The following PANK1 variants were observed in gnomAD, a reference collection of about 807,000 sequenced individuals.
PANK1 encodes pantothenate kinase 1, also known as pantothenic acid kinase 1.
A neutral mutation model predicts 40.1 loss-of-function variants in PANK1; 18 were observed. The ratio of observed to expected loss-of-function variants is 0.45; its 90% CI spans 0.31 to 0.67. The LOEUF is 0.67. PANK1 is among the 30% of genes least tolerant of loss of function. The pLI is 0.06. For synonymous variants in PANK1, 242 were observed against 237.7 expected (o/e 1.02, Z -0.17); for missense variants, 457 against 599.6 (o/e 0.76, Z 2.48).
intron 3 of PANK1, among the ~76,000 whole-genome samples, chr10:89,598,064 G>A (rs1368168283): frequency 6.6e-6 from 1 of 152,128 alleles, no homozygotes; most frequent in African/African-American, 2.4e-5. Context: ...TGATATTTGA[G>A]GCTCAATAAT....
At chr10:89,606,188 T>A (rs1429900126) in intron 2 of PANK1, among the ~76,000 whole-genome samples, 1 of 152,232 alleles carries the variant, frequency 6.6e-6, no homozygotes, top group African/African-American at 2.4e-5. Flanking sequence ...GAATGGTCCA[T>A]GAGCGTCGGC....
intron 1 of PANK1, among the ~76,000 whole-genome samples, chr10:89,642,931 C>T (rs1414088491): frequency 6.6e-6 from 1 of 152,166 alleles, no homozygotes; most frequent in African/African-American, 2.4e-5. Context: ...ACATAAACCA[C>T]TTTAATTTCT....
At chr10:89,624,083 G>A (rs1000228905) in intron 1 of PANK1, among the ~76,000 whole-genome samples, 6 of 152,116 alleles carry the variant, frequency 3.9e-5, no homozygotes, top group African/African-American at 1.2e-4. Flanking sequence ...GCCCAGACAC[G>A]GGCTGATCAT....
rs1278255904 is a variant in PANK1 at position 89,645,184 on chromosome 10, G to C, written c.-293C>G. Reference sequence around the variant, plus strand: ...CCCCCAGCCGGGGCTCCCGCCGCCCGCCTTCCCCTGATCCCCAGGCCGCGC... The same window carrying C: ...CCCCCAGCCGGGGCTCCCGCCGCCCCCCTTCCCCTGATCCCCAGGCCGCGC... On this transcript the variant is annotated 5_prime_UTR_variant, in exon 1 of 7. Transcript: ENST00000307534. 2 of 1,576,970 alleles carry C rather than the reference G, an allele frequency of 1.3e-6. No individual in the cohort carries two copies. Among genetic ancestry groups the C allele is most frequent in the Admixed American group, 3.6e-5 (2 of 56,102 alleles).
rs546019160 is a variant in PANK1 at position 89,599,698 on chromosome 10, C to T, written c.646-193G>A. 2.6e-4 allele frequency among the ~76,000 whole-genome samples: 40 copies of T among 152,180 alleles called. 1 individual carries two copies. The highest frequency in any genetic ancestry group is 2.2e-3 in the Admixed American group (33 of 15,274). ...AGCCTTGGCTAGATGTCATACCTGC[C>T]CACAGTGCATGCTAAAGGACAAGAG... On this transcript the variant is annotated intron_variant, in intron 2 of 6. Transcript: ENST00000307534.
chr10:89,628,542 G>T (rs551472236), intron 1 of PANK1, among the ~76,000 whole-genome samples: 1 of 152,184 alleles, frequency 6.6e-6, no homozygotes, highest in Non-Finnish European at 1.5e-5. Flanking sequence ...AAAAAGAGGA[G>T]TGACTGCTAA....
chr10:89,644,382 G>A (rs1225683027), intron 1 of PANK1, among the ~76,000 whole-genome samples: 1 of 152,192 alleles, frequency 6.6e-6, no homozygotes, highest in Admixed American at 6.5e-5. Context: ...TCGTTCTACT[G>A]ATAGAAGCGA....
At chr10:89,608,252 C>G (rs1488118181) in intron 2 of PANK1, among the ~76,000 whole-genome samples, 4 of 151,896 alleles carry the variant, frequency 2.6e-5, no homozygotes, top group Admixed American at 2.0e-4. Flanking sequence ...AGGATGGTCT[C>G]GATCTCCTGA....
chr10:89,638,224 C>T (rs1198832562), intron 1 of PANK1, among the ~76,000 whole-genome samples: 1 of 152,226 alleles, frequency 6.6e-6, no homozygotes, highest in Non-Finnish European at 1.5e-5. Context: ...CCATTATAAT[C>T]TTATAGGACT....
At chr10:89,622,791 C>T (rs1372703840) in intron 1 of PANK1, among the ~76,000 whole-genome samples, 4 of 150,608 alleles carry the variant, frequency 2.7e-5, no homozygotes, top group African/African-American at 7.3e-5. Flanking sequence ...GAGCTGAGGT[C>T]GTGCCACTGC....
chr10:89,636,291 A>T (rs544226659), intron 1 of PANK1, among the ~76,000 whole-genome samples: 91 of 152,110 alleles, frequency 6.0e-4, no homozygotes, highest in African/African-American at 2.1e-3. Context: ...TTTGGAATCT[A>T]GCTGGAGAAA....
At chr10:89,595,645 C>A (rs540629775) in intron 3 of PANK1, among the ~76,000 whole-genome samples, 2 of 150,340 alleles carry the variant, frequency 1.3e-5, no homozygotes, top group Admixed American at 6.6e-5. Context: ...CACGGTGAAA[C>A]CCTGTCTCTA....
At chr10:89,610,804 C>T (rs906731778) in intron 2 of PANK1, among the ~76,000 whole-genome samples, 1 of 152,168 alleles carries the variant, frequency 6.6e-6, no homozygotes, top group Admixed American at 6.5e-5. Context: ...AATCTCCCAA[C>T]CCTTCCTTCT....
At chr10:89,588,177 G>T (rs1844261205) in intron 6 of PANK1, among the ~76,000 whole-genome samples, 1 of 151,778 alleles carries the variant, frequency 6.6e-6, no homozygotes, top group Admixed American at 6.6e-5. Flanking sequence ...GTATTCCATT[G>T]TGTATATGTA....
chr10:89,604,648 C>T (rs541177409), intron 2 of PANK1, among the ~76,000 whole-genome samples: 18 of 142,880 alleles, frequency 1.3e-4, no homozygotes, highest in African/African-American at 2.4e-4. Flanking sequence ...GAGCCGAGAT[C>T]GCATCACTGC....
At chr10:89,643,809 C>A in intron 1 of PANK1, 14 of 1,603,366 alleles carry the variant, frequency 8.7e-6, no homozygotes, top group Non-Finnish European at 1.2e-5. Flanking sequence ...AATTTACATC[C>A]CACAGCGTCC....
At chr10:89,644,549 C>T (rs1038174623) in intron 1 of PANK1, 51 bp downstream of exon 1, 41 of 1,521,392 alleles carry the variant, frequency 2.7e-5, no homozygotes, top group African/African-American at 4.3e-5. Flanking sequence ...GTCCCGGGCC[C>T]CGCACGCTGC....
chr10:89,592,677 A>G, intron 5 of PANK1: 1 of 524,880 alleles, frequency 1.9e-6, no homozygotes, highest in Non-Finnish European at 3.9e-6. Context: ...TGTTAATACA[A>G]CTTTGTATGT....
chr10:89,628,692 C>A (rs1377184533), intron 1 of PANK1, among the ~76,000 whole-genome samples: 1 of 152,178 alleles, frequency 6.6e-6, no homozygotes, highest in African/African-American at 2.4e-5. Flanking sequence ...TTAATTTTCT[C>A]ATTTCAAGAT....
Sources: allele counts gnomAD v4.1 joint callset (sites outside exome capture counted in the v4.1 genomes callset), GRCh38; gene constraint gnomAD v4.1.1; transcripts MANE v1.5; gene names NCBI Gene and HGNC (gene_info 2026-07-23, HGNC 2026-07-21).